ATP8A2: variants seen among roughly 807,000 people sequenced by gnomAD.
The protein encoded by ATP8A2 is phospholipid-transporting ATPase IB.
In ATP8A2, 100 loss-of-function variants were observed where a neutral mutation model predicts 165.6. The ratio of observed to expected loss-of-function variants is 0.60; its 90% confidence interval spans 0.51 to 0.71. ATP8A2 has a LOEUF of 0.71. ATP8A2 is among the 30% of genes least tolerant of loss of function. ATP8A2 has a pLI of 0.00. For missense variants in ATP8A2, 1,227 were observed against 1,479.5 expected (o/e 0.83, Z 2.80); for synonymous variants, 543 against 548.8 (o/e 0.99, Z 0.15).
chr13:25,478,592 T>C (rs901898676), intron 2 of ATP8A2, among the ~76,000 whole-genome samples: 3 of 152,150 alleles, frequency 2.0e-5, no homozygotes, highest in Non-Finnish European at 4.4e-5. Flanking sequence ...AAATCATAGG[T>C]TTTTAGCCTT....
At chr13:25,786,617 T>G (rs530522513) in intron 27 of ATP8A2, among the ~76,000 whole-genome samples, 1 of 152,334 alleles carries the variant, frequency 6.6e-6, no homozygotes, top group Non-Finnish European at 1.5e-5. Flanking sequence ...AAGCTTTTAC[T>G]TCCCTGTTAG....
chr13:25,837,056 T>C, intron 28 of ATP8A2, 107 bp from the exon 29 acceptor site: 2 of 1,388,740 alleles, frequency 1.4e-6, no homozygotes, highest in Non-Finnish European at 2.0e-6. Context: ...TCATGGAGTC[T>C]CAGGTTTGGA....
chr13:25,532,533 G>T (rs760234527), intron 5 of ATP8A2, among the ~76,000 whole-genome samples: 1 of 152,142 alleles, frequency 6.6e-6, no homozygotes, highest in Non-Finnish European at 1.5e-5. Context: ...GTTAGAAAAG[G>T]TTGTAATTTT....
chr13:25,537,995 TG>T lies in ATP8A2; in HGVS notation c.518del (p.Gly173GlufsTer4), dbSNP rs2038343394. ...TCATCCCTGTCTCTCTAGGTGGCAG[TG>T]GGAGACATTGTGAAGGTCGTCAATG... is the stretch of plus-strand genomic sequence containing the variant. ...WHTIMWKEVA[V>X]GDIVKVVNGQ... is the part of the protein sequence containing the mutation. On this transcript the variant is annotated frameshift_variant, in exon 7 of 37. Coordinates refer to ENST00000381655, the MANE Select transcript of ATP8A2 (RefSeq NM_016529.6). LOFTEE classifies it high-confidence loss of function. 6.2e-7 allele frequency: 1 copy of T among 1,612,918 alleles called. No individual in the cohort carries two copies. The highest frequency in any genetic ancestry group is 2.2e-5 in the East Asian group (1 of 44,878).
chr13:25,623,048 C>T (rs752667428), intron 24 of ATP8A2, among the ~76,000 whole-genome samples: 1 of 152,000 alleles, frequency 6.6e-6, no homozygotes, highest in Non-Finnish European at 1.5e-5. Flanking sequence ...AGAATATATT[C>T]TTAGAGGCAC....
chr13:25,778,863 A>C (rs1417458735), intron 27 of ATP8A2, among the ~76,000 whole-genome samples: 1 of 152,188 alleles, frequency 6.6e-6, no homozygotes, highest in African/African-American at 2.4e-5. Flanking sequence ...CAGCAAGATA[A>C]ACACTTTTTA....
Position 25,790,285 on chromosome 13 carries a change from A to G in ATP8A2, c.2679+15326A>G, listed in dbSNP as rs547546088. Among the ~76,000 whole-genome samples the G allele has an allele frequency of 1.1e-4, 16 of 152,354 alleles. No individual in the cohort carries two copies. In the East Asian group the frequency reaches 2.9e-3, roughly 28 times the overall value. ...AAGAACCTATCTACAGAGTAAATAG[A>G]CAACCTACAGAACAGGAAAAAATGT... On this transcript the variant is annotated intron_variant, in intron 27 of 36. Coordinates refer to ENST00000381655, the MANE Select transcript of ATP8A2 (RefSeq NM_016529.6).
chr13:25,905,333 A>C (rs1953904080), intron 33 of ATP8A2, among the ~76,000 whole-genome samples: 1 of 152,084 alleles, frequency 6.6e-6, no homozygotes, highest in Admixed American at 6.5e-5. Flanking sequence ...TTCCTCTCCG[A>C]ATTTAGTTTC....
At chr13:25,432,578 C>G (rs1000164578) in intron 1 of ATP8A2, among the ~76,000 whole-genome samples, 17 of 152,040 alleles carry the variant, frequency 1.1e-4, no homozygotes, top group Non-Finnish European at 2.1e-4. Context: ...GGTGGGAGGG[C>G]TCAGAGCTCC....
intron 25 of ATP8A2, among the ~76,000 whole-genome samples, chr13:25,738,754 T>G (rs1183349046): frequency 1.3e-5 from 2 of 152,260 alleles, no homozygotes; most frequent in East Asian, 1.9e-4. Flanking sequence ...GGCTGACAAC[T>G]CTTTGGATGT....
At chr13:25,671,180 A>G (rs2042255217) in intron 24 of ATP8A2, among the ~76,000 whole-genome samples, 1 of 152,208 alleles carries the variant, frequency 6.6e-6, no homozygotes, top group Non-Finnish European at 1.5e-5. Flanking sequence ...TTTCATGGAC[A>G]CTTATCACTT....
At chr13:25,512,733 G>A (rs1346375575) in intron 2 of ATP8A2, among the ~76,000 whole-genome samples, 1 of 143,846 alleles carries the variant, frequency 7.0e-6, no homozygotes, top group Non-Finnish European at 1.5e-5. Flanking sequence ...CGGGCGGGGG[G>A]CTGACCCCCC....
chr13:25,930,623 C>T (rs75498813), intron 33 of ATP8A2, among the ~76,000 whole-genome samples: 6,560 of 152,262 alleles, frequency 0.043, 209 homozygotes, highest in Non-Finnish European at 0.067. Context: ...AACATGTTTC[C>T]CCTTCCCCAG....
intron 2 of ATP8A2, among the ~76,000 whole-genome samples, chr13:25,512,413 G>A (rs1157698759): frequency 1.3e-5 from 2 of 152,148 alleles, no homozygotes; most frequent in Non-Finnish European, 2.9e-5. Context: ...CCCAGACGGG[G>A]TGGTGGCCGG....
At chr13:25,644,948 A>G (rs1429897679) in intron 24 of ATP8A2, among the ~76,000 whole-genome samples, 2 of 152,074 alleles carry the variant, frequency 1.3e-5, no homozygotes, top group African/African-American at 2.4e-5. Context: ...ATTTTGGGTT[A>G]TCTCTCTAGT....
At chr13:25,435,526 C>T (rs923583497) in intron 1 of ATP8A2, among the ~76,000 whole-genome samples, 3 of 152,138 alleles carry the variant, frequency 2.0e-5, no homozygotes, top group African/African-American at 7.2e-5. Context: ...TTCGTAGGTT[C>T]TTTCTTCTGG....
chr13:25,910,386 T>C (rs1169858983), intron 33 of ATP8A2, among the ~76,000 whole-genome samples: 3 of 152,126 alleles, frequency 2.0e-5, no homozygotes, highest in African/African-American at 4.8e-5. Context: ...CACCTGTAAA[T>C]GATTAAGTCA....
At chr13:25,520,841 C>T (rs925866524) in intron 2 of ATP8A2, among the ~76,000 whole-genome samples, 19 of 152,090 alleles carry the variant, frequency 1.2e-4, no homozygotes, top group African/African-American at 4.1e-4. Context: ...GTCTCGATTT[C>T]CTGACCTCGT....
intron 2 of ATP8A2, among the ~76,000 whole-genome samples, chr13:25,521,510 T>G (rs554219695): frequency 6.6e-6 from 1 of 152,334 alleles, no homozygotes; most frequent in East Asian, 1.9e-4. Context: ...CAGTTTCAGG[T>G]CTTAGATTTG....
Sources: gnomAD v4.1 joint callset for allele counts (sites outside exome capture counted in the v4.1 genomes callset) on GRCh38, gnomAD v4.1.1 for gene constraint, MANE v1.5 for transcripts, NCBI Gene and HGNC (gene_info 2026-07-23, HGNC 2026-07-21) for gene names.